Variants in SORCS1 observed in about 807,000 individuals in gnomAD.
SORCS1 encodes VPS10 domain-containing receptor SorCS1.
SORCS1 carries 60 observed loss-of-function variants against 146.1 expected under a neutral mutation model. That is an observed-to-expected ratio of 0.41 (90% CI 0.33 to 0.51). The LOEUF (loss-of-function observed/expected upper bound fraction) is 0.51. Among genes scored for constraint, SORCS1 ranks in the 20% least tolerant of loss-of-function variants. The pLI is 0.21. For missense variants in SORCS1, 1,352 were observed against 1,487.6 expected (o/e 0.91, Z 1.50); for synonymous variants, 637 against 584.0 (o/e 1.09, Z -1.31).
rs76986382 is a variant in SORCS1, at chr10:107,031,533, C to T, written c.559-74953G>A. Among the ~76,000 whole-genome samples the T allele has an allele frequency of 8.0e-3, 1,215 of 151,810 alleles. 12 individuals carry two copies. Among genetic ancestry groups the T allele is most frequent in the Middle Eastern group, 0.027 (8 of 292 alleles). On this transcript the variant is annotated intron_variant, in intron 1 of 25. Transcript: ENST00000263054. The stretch of plus-strand genomic sequence containing the variant: ...TGACTTTTCTGCAAGGTTTCTGTTA[C>T]GTTAGTAGAAAAGAAAAACATTGCA...
intron 2 of SORCS1, among the ~76,000 whole-genome samples, chr10:106,834,897 A>G (rs1475188173): frequency 6.6e-6 from 1 of 152,252 alleles, no homozygotes; most frequent in African/African-American, 2.4e-5. Context: ...AGAAGCTAAA[A>G]GCTTAACAAA....
In SORCS1 at chr10:106,986,493, T is replaced by G. The variant is rs933026051; in HGVS notation, c.559-29913A>C. On this transcript the variant is annotated intron_variant, in intron 1 of 25. Transcript: ENST00000263054. ...TGTTACCTAATATGAAGTTGATTCT[T>G]AAGAATATATATACAACCGTGTGTG... is the stretch of plus-strand genomic sequence containing the variant. Among the ~76,000 whole-genome samples, 11 of 149,146 alleles carry G rather than the reference T, an allele frequency of 7.4e-5. 1 individual carries two copies. The highest frequency in any genetic ancestry group is 6.8e-4 in the Admixed American group (10 of 14,792).
intron 5 of SORCS1, among the ~76,000 whole-genome samples, chr10:106,751,058 CAAAAAAAAAAAAAAAAAA>C (rs35691571): frequency 8.5e-4 from 19 of 22,444 alleles, no homozygotes; most frequent in East Asian, 4.7e-3. Flanking sequence ...GACTCCGTCT[CAAAAAAAAAAAAAAAAAA>C]AAAAAAAAAA....
chr10:106,893,084 G>T (rs1194600878), intron 2 of SORCS1, among the ~76,000 whole-genome samples: 1 of 149,902 alleles, frequency 6.7e-6, no homozygotes, highest in Non-Finnish European at 1.5e-5. Flanking sequence ...TTTTTTTTTA[G>T]TAGAGACAGG....
At chr10:106,757,797 T>C (rs1004285230) in intron 5 of SORCS1, among the ~76,000 whole-genome samples, 8 of 152,198 alleles carry the variant, frequency 5.3e-5, no homozygotes, top group Non-Finnish European at 1.2e-4. Context: ...AGAGCATTTG[T>C]TGATTTAGTA....
intron 4 of SORCS1, among the ~76,000 whole-genome samples, chr10:106,766,907 A>C (rs964413816): frequency 6.6e-6 from 1 of 152,230 alleles, no homozygotes; most frequent in African/African-American, 2.4e-5. Context: ...AGACATGCAG[A>C]AAAAGTGTTC....
intron 6 of SORCS1, among the ~76,000 whole-genome samples, chr10:106,718,757 C>T (rs2486149): frequency 0.84 from 118,969 of 141,822 alleles, 51,372 homozygotes; most frequent in Non-Finnish European, 0.94. Context: ...GATTGGTGCA[C>T]TTACAAACCT....
intron 1 of SORCS1, among the ~76,000 whole-genome samples, chr10:107,051,989 T>C (rs1265689466): frequency 6.6e-6 from 1 of 152,164 alleles, no homozygotes; most frequent in Non-Finnish European, 1.5e-5. Context: ...CAGAACTGTT[T>C]TGCAAAGTCA....
intron 18 of SORCS1, among the ~76,000 whole-genome samples, chr10:106,645,159 G>A (rs546977375): frequency 1.5e-5 from 2 of 132,544 alleles, no homozygotes; most frequent in African/African-American, 5.6e-5. Context: ...TTTTTGAGAG[G>A]GTGTCTTATT....
chr10:106,907,895 CAA>C (rs11452551), intron 2 of SORCS1, among the ~76,000 whole-genome samples: 10 of 136,712 alleles, frequency 7.3e-5, no homozygotes, highest in Admixed American at 1.5e-4. Context: ...CCACTGCACT[CAA>C]AAAAAAAAAA....
At chr10:106,816,467 C>G (rs17121663) in intron 3 of SORCS1, among the ~76,000 whole-genome samples, 8,963 of 152,260 alleles carry the variant, frequency 0.059, 414 homozygotes, top group African/African-American at 0.13. Context: ...TCTCTGTCAG[C>G]TTGCCATAGA....
rs114343752 is a variant in SORCS1, at chr10:106,666,436, G to A, written c.2303+1253C>T. Among the ~76,000 whole-genome samples, 409 of 152,186 alleles carry A rather than the reference G, an allele frequency of 2.7e-3. 2 individuals carry two copies. Among genetic ancestry groups the A allele is most frequent in the African/African-American group, 9.2e-3 (383 of 41,530 alleles). On this transcript the variant is annotated intron_variant, in intron 17 of 25. Coordinates refer to ENST00000263054, the MANE Select transcript of SORCS1 (RefSeq NM_052918.5). ...TCTATGGTTTCAGGCCTTCAGATTC[G>A]AACTACAACTATACTGTCAGCTCTC...
intron 24 of SORCS1, among the ~76,000 whole-genome samples, chr10:106,590,061 T>C (rs913256973): frequency 1.3e-5 from 2 of 152,202 alleles, no homozygotes; most frequent in African/African-American, 4.8e-5. Flanking sequence ...TCAGTAAATA[T>C]ACTAATTATG....
chr10:106,820,067 T>C (rs1947935804), intron 3 of SORCS1, among the ~76,000 whole-genome samples: 1 of 152,176 alleles, frequency 6.6e-6, no homozygotes, highest in African/African-American at 2.4e-5. Flanking sequence ...TGAGAGGCTG[T>C]GCATTCCAGA....
chr10:107,087,097 T>G (rs186326543), intron 1 of SORCS1, among the ~76,000 whole-genome samples: 91 of 152,230 alleles, frequency 6.0e-4, no homozygotes, highest in African/African-American at 2.0e-3. Flanking sequence ...GGGTTTCAAT[T>G]TTAGATTTTA....
intron 1 of SORCS1, among the ~76,000 whole-genome samples, chr10:107,090,821 A>C (rs928208926): frequency 6.6e-6 from 1 of 152,202 alleles, no homozygotes; most frequent in Admixed American, 6.5e-5. Flanking sequence ...GTAGAACCCA[A>C]GTTATTCCCA....
chr10:106,724,817 A>C (rs1383622235), intron 6 of SORCS1, among the ~76,000 whole-genome samples: 2 of 152,232 alleles, frequency 1.3e-5, no homozygotes, highest in African/African-American at 4.8e-5. Flanking sequence ...GAACACACTA[A>C]AATCAGAAAA....
chr10:106,808,900 T>A (rs374588244), intron 3 of SORCS1, among the ~76,000 whole-genome samples: 5 of 152,242 alleles, frequency 3.3e-5, no homozygotes, highest in African/African-American at 1.2e-4. Context: ...ATCTTTGTTC[T>A]CAATCTGAAA....
At chr10:107,103,447 C>A (rs1489809749) in intron 1 of SORCS1, among the ~76,000 whole-genome samples, 1 of 152,194 alleles carries the variant, frequency 6.6e-6, no homozygotes, top group Non-Finnish European at 1.5e-5. Flanking sequence ...ACAAAGCATG[C>A]CTCAGCTTTT....
Sources: gnomAD v4.1 joint callset for allele counts (sites outside exome capture counted in the v4.1 genomes callset) on GRCh38, gnomAD v4.1.1 for gene constraint, MANE v1.5 for transcripts, NCBI Gene and HGNC (gene_info 2026-07-23, HGNC 2026-07-21) for gene names.